The following EYS variants were observed in gnomAD, a reference collection of about 807,000 sequenced individuals.
EYS encodes the protein EGF-like photoreceptor maintenance factor.
Under a neutral mutation model 282.1 loss-of-function variants are expected in EYS, and 250 were observed. The ratio of observed to expected loss-of-function variants is 0.89; its 90% CI spans 0.80 to 0.98. EYS has a LOEUF of 0.98. Among genes scored for constraint, EYS ranks in the 50% least tolerant of loss-of-function variants. The pLI is 0.00. For missense variants in EYS, 4,016 were observed against 3,709.0 expected (o/e 1.08, Z -2.15); for synonymous variants, 1,355 against 1,282.9 (o/e 1.06, Z -1.20).
intron 11 of EYS, among the ~76,000 whole-genome samples, chr6:65,334,580 C>T (rs924576704): frequency 1.8e-4 from 27 of 151,738 alleles, no homozygotes; most frequent in Non-Finnish European, 3.4e-4. Flanking sequence ...CTGAGGGCAA[C>T]ATTTTAATTT....
intron 26 of EYS, among the ~76,000 whole-genome samples, chr6:64,524,801 G>C (rs1435363163): frequency 6.6e-6 from 1 of 151,556 alleles, no homozygotes; most frequent in Non-Finnish European, 1.5e-5. Flanking sequence ...TTATTTTTGG[G>C]CTCTCTATTC....
At chr6:64,028,212 G>T (rs573300865) in intron 33 of EYS, among the ~76,000 whole-genome samples, 1 of 152,304 alleles carries the variant, frequency 6.6e-6, no homozygotes, top group Non-Finnish European at 1.5e-5. Flanking sequence ...CTGGGCATTG[G>T]AAGGACAATT....
At chr6:63,936,966 G>A (rs1765077053) in intron 35 of EYS, among the ~76,000 whole-genome samples, 1 of 152,118 alleles carries the variant, frequency 6.6e-6, no homozygotes, top group South Asian at 2.1e-4. Flanking sequence ...TGAAGTTTCC[G>A]AGGTTCTGGA....
At chr6:64,118,191 A>G (rs1773454325) in intron 31 of EYS, among the ~76,000 whole-genome samples, 1 of 152,112 alleles carries the variant, frequency 6.6e-6, no homozygotes, top group Non-Finnish European at 1.5e-5. Context: ...AGATAAAACT[A>G]TGCTGAAAAT....
chr6:63,957,621 C>T (rs1236908072), intron 35 of EYS, among the ~76,000 whole-genome samples: 1 of 140,788 alleles, frequency 7.1e-6, no homozygotes. Context: ...ATTCTTTATT[C>T]AAACTATAAA....
intron 22 of EYS, among the ~76,000 whole-genome samples, chr6:64,656,811 A>G (rs1421495920): frequency 1.3e-5 from 2 of 152,180 alleles, no homozygotes; most frequent in Non-Finnish European, 2.9e-5. Context: ...AGTTTCTGAA[A>G]TAAACAAGCT....
chr6:64,946,123 A>G (rs1177979502), intron 14 of EYS, among the ~76,000 whole-genome samples: 1 of 152,034 alleles, frequency 6.6e-6, no homozygotes. Context: ...AAAGTTTTGT[A>G]GTAAGTCAAT....
At chr6:64,734,884 T>C (rs1583095448) in intron 22 of EYS, among the ~76,000 whole-genome samples, 1 of 152,308 alleles carries the variant, frequency 6.6e-6, no homozygotes, top group East Asian at 1.9e-4. Flanking sequence ...TAACTATGAT[T>C]TCAGAACAAT....
chr6:64,039,928 C>T (rs1185670968), intron 33 of EYS, among the ~76,000 whole-genome samples: 2 of 152,022 alleles, frequency 1.3e-5, no homozygotes, highest in African/African-American at 4.8e-5. Context: ...ATTTCTAAAT[C>T]TTTGATTTCC....
At chr6:64,405,013 C>T (rs1773662256) in intron 28 of EYS, among the ~76,000 whole-genome samples, 1 of 151,964 alleles carries the variant, frequency 6.6e-6, no homozygotes, top group Non-Finnish European at 1.5e-5. Context: ...TCTGGGGTAC[C>T]TGTGCAGGAT....
chr6:65,330,161 A>G (rs1252871266), intron 11 of EYS: 5 of 981,128 alleles, frequency 5.1e-6, no homozygotes, highest in Middle Eastern at 5.2e-4. Context: ...TGTGTTCTGA[A>G]GAGTGTATAA....
At chr6:64,930,899 C>T (rs1169312927) in intron 15 of EYS, among the ~76,000 whole-genome samples, 1 of 152,018 alleles carries the variant, frequency 6.6e-6, no homozygotes, top group Non-Finnish European at 1.5e-5. Context: ...CATACAGAGC[C>T]CCATCTGTAG....
rs187581704 is a variant in EYS at position 65,367,542 on chromosome 6, A to C, written c.1300-13925T>G. Among the ~76,000 whole-genome samples, 60 of 151,826 alleles carry C rather than the reference A, an allele frequency of 4.0e-4. 1 individual carries two copies. Among genetic ancestry groups the C allele is most frequent in the Middle Eastern group, 3.4e-3 (1 of 294 alleles). ...TTAAATATAAATGTTTTAACTATTC[A>C]CAAGCATTGCACTAATTTGAATGAA... On this transcript the variant is annotated intron_variant, in intron 8 of 42. Coordinates refer to ENST00000503581, the MANE Select transcript of EYS (RefSeq NM_001142800.2).
intron 15 of EYS, among the ~76,000 whole-genome samples, chr6:64,933,402 A>G (rs1768794811): frequency 6.6e-6 from 1 of 152,150 alleles, no homozygotes; most frequent in Non-Finnish European, 1.5e-5. Flanking sequence ...ATCACCGGTC[A>G]TTAGAGAAAT....
intron 36 of EYS, among the ~76,000 whole-genome samples, chr6:63,831,952 G>T (rs1771651347): frequency 1.3e-5 from 2 of 152,106 alleles, no homozygotes. Flanking sequence ...TGAACAACCT[G>T]CTCCTGAATG....
Position 64,081,938 on chromosome 6 carries a change from A to C in EYS, c.6489T>G (p.Phe2163Leu), listed in dbSNP as rs1771986869. Reference protein sequence around the residue: ...NSYLELPFLKFVLEKEHNRTV... With the variant: ...NSYLELPFLKLVLEKEHNRTV... Reference sequence around the variant, plus strand: ...TTCTGTTATGTTCCTTCTCCAGGACAAACTTCAAAAAGGGCAGTTCTAAAT... The same window carrying C: ...TTCTGTTATGTTCCTTCTCCAGGACCAACTTCAAAAAGGGCAGTTCTAAAT... Residue 2163 changes from phenylalanine to leucine, a missense_variant, in exon 32 of 43, where the codon TTT becomes TTG. Coordinates refer to ENST00000503581, the MANE Select transcript of EYS (RefSeq NM_001142800.2). The C allele has an allele frequency of 1.3e-6, 2 of 1,545,620 alleles. No homozygotes were observed. Among genetic ancestry groups the C allele is most frequent in the Non-Finnish European group, 1.8e-6 (2 of 1,142,094 alleles).
chr6:65,230,304 T>C (rs550242708), intron 12 of EYS, among the ~76,000 whole-genome samples: 1 of 151,812 alleles, frequency 6.6e-6, no homozygotes, highest in South Asian at 2.1e-4. Context: ...TAAAATCCAA[T>C]AAAGAAAAAA....
intron 19 of EYS, among the ~76,000 whole-genome samples, chr6:64,837,167 T>C (rs1174548577): frequency 6.6e-6 from 1 of 150,462 alleles, no homozygotes; most frequent in African/African-American, 2.4e-5. Flanking sequence ...TTACTTTTTA[T>C]GTTTTATCTG....
At chr6:64,075,364 C>T (rs1771733672) in intron 32 of EYS, among the ~76,000 whole-genome samples, 1 of 151,918 alleles carries the variant, frequency 6.6e-6, no homozygotes. Context: ...AATGATTACA[C>T]CCATGTTTAT....
Sources: gnomAD v4.1 joint callset for allele counts (sites outside exome capture counted in the v4.1 genomes callset) on GRCh38, gnomAD v4.1.1 for gene constraint, MANE v1.5 for transcripts, NCBI Gene and HGNC (gene_info 2026-07-23, HGNC 2026-07-21) for gene names.